Variants in PTCHD4 observed in about 807,000 individuals in gnomAD.
PTCHD4 encodes patched domain-containing protein 4.
In PTCHD4, 33 loss-of-function variants were observed where a neutral mutation model predicts 58.1. That is an observed-to-expected ratio of 0.57 (90% CI 0.43 to 0.76). PTCHD4 has a LOEUF of 0.76. Among genes scored for constraint, PTCHD4 ranks in the 30% least tolerant of loss-of-function variants. The pLI is 0.00. For synonymous variants in PTCHD4, 478 were observed against 409.6 expected (o/e 1.17, Z -2.02); for missense variants, 1,058 against 1,027.1 (o/e 1.03, Z -0.41).
At chr6:47,915,252 A>C (rs1304361915) in intron 4 of PTCHD4, among the ~76,000 whole-genome samples, 1 of 101,366 alleles carries the variant, frequency 9.9e-6, no homozygotes, top group Non-Finnish European at 2.3e-5. Context: ...TATTTATTTA[A>C]GAAAATGACA....
In PTCHD4 at chr6:47,857,846, A is replaced by G. The variant is rs1561922288; in HGVS notation, c.*20457T>C. On this transcript the variant is annotated 3_prime_UTR_variant, in exon 5 of 5. Coordinates refer to ENST00000339488, the MANE Select transcript of PTCHD4 (RefSeq NM_001384253.1). Reference sequence around the variant, plus strand: ...TCTTTTTACAAGCTGGTACTTTAACATCTACCTCCCAAAGTTAATTTCATT... The same window carrying G: ...TCTTTTTACAAGCTGGTACTTTAACGTCTACCTCCCAAAGTTAATTTCATT... Among the ~76,000 whole-genome samples, 1 of 150,726 alleles carries G rather than the reference A, an allele frequency of 6.6e-6. No individual in the cohort carries two copies. The highest frequency in any genetic ancestry group is 2.5e-5 in the African/African-American group (1 of 40,304).
intron 4 of PTCHD4, among the ~76,000 whole-genome samples, chr6:47,999,353 A>C (rs758865700): frequency 7.9e-5 from 12 of 152,216 alleles, no homozygotes; most frequent in Non-Finnish European, 1.5e-4. Context: ...TCACCAAAGT[A>C]GCATGACTAC....
intron 4 of PTCHD4, among the ~76,000 whole-genome samples, chr6:47,936,267 A>G (rs183127436): frequency 2.2e-3 from 337 of 152,328 alleles, no homozygotes; most frequent in Non-Finnish European, 4.0e-3. Context: ...TTGAAGTTCT[A>G]TCCAATATGA....
At position 47,915,293 on chromosome 6, in the gene PTCHD4, A is replaced by T. The variant is rs372617016; in HGVS notation, c.899-35357T>A. On this transcript the variant is annotated intron_variant, in intron 4 of 4. Coordinates refer to ENST00000339488, the MANE Select transcript of PTCHD4 (RefSeq NM_001384253.1). The stretch of plus-strand genomic sequence containing the variant: ...TTTGCCAGCATTTCTTTACATTGCT[A>T]GGTATGTTGATTTATGTATTAGGTT... Among the ~76,000 whole-genome samples, 34 of 152,272 alleles carry T rather than the reference A, an allele frequency of 2.2e-4. 2 individuals carry two copies. The highest frequency in any genetic ancestry group is 1.2e-3 in the East Asian group (6 of 5,172).
intron 4 of PTCHD4, among the ~76,000 whole-genome samples, chr6:47,943,473 G>A (rs1165991796): frequency 1.3e-5 from 2 of 152,094 alleles, no homozygotes; most frequent in Admixed American, 6.6e-5. Context: ...ATTTACACGT[G>A]CTGTGGGGAG....
At chr6:48,062,461 C>T (rs1169837492) in intron 3 of PTCHD4, among the ~76,000 whole-genome samples, 29 of 151,986 alleles carry the variant, frequency 1.9e-4, no homozygotes, top group Admixed American at 1.9e-3. Context: ...ATCCCCACCC[C>T]CCACTTTTTT....
chr6:48,065,574 T>C (rs1295892524), intron 3 of PTCHD4, among the ~76,000 whole-genome samples: 1 of 152,160 alleles, frequency 6.6e-6, no homozygotes, highest in Non-Finnish European at 1.5e-5. Flanking sequence ...GCCATCTCAT[T>C]TTGCTCTCTG....
At chr6:47,970,032 A>G (rs1767445089) in intron 4 of PTCHD4, among the ~76,000 whole-genome samples, 1 of 152,184 alleles carries the variant, frequency 6.6e-6, no homozygotes, top group Admixed American at 6.5e-5. Flanking sequence ...GCACAATCTG[A>G]GCATATGGAT....
intron 3 of PTCHD4, among the ~76,000 whole-genome samples, chr6:48,025,188 A>C (rs1763200298): frequency 6.6e-6 from 1 of 152,216 alleles, no homozygotes; most frequent in Non-Finnish European, 1.5e-5. Context: ...TGTCTGGTAC[A>C]GTATTAAGAT....
intron 4 of PTCHD4, among the ~76,000 whole-genome samples, chr6:47,996,946 T>A (rs866911405): frequency 3.3e-5 from 5 of 152,218 alleles, no homozygotes; most frequent in Admixed American, 6.5e-5. Context: ...AAATCACAAG[T>A]CATTCATTCA....
intron 1 of PTCHD4, among the ~76,000 whole-genome samples, chr6:48,084,017 G>T (rs190379896): frequency 2.6e-4 from 40 of 151,808 alleles, no homozygotes; most frequent in Admixed American, 2.0e-3. Context: ...CTAAGTCTGT[G>T]GTAATTTGCT....
chr6:47,996,047 A>C (rs758173171), intron 4 of PTCHD4, among the ~76,000 whole-genome samples: 2 of 152,226 alleles, frequency 1.3e-5, no homozygotes, highest in African/African-American at 4.8e-5. Context: ...TTCATGTCAC[A>C]GGGGTTTGTT....
intron 4 of PTCHD4, among the ~76,000 whole-genome samples, chr6:47,952,556 C>G (rs896305862): frequency 3.3e-5 from 5 of 152,116 alleles, no homozygotes; most frequent in Non-Finnish European, 7.4e-5. Flanking sequence ...ACATTTCAGT[C>G]AATGACAGAC....
chr6:48,059,555 C>T (rs1764541009), intron 3 of PTCHD4, among the ~76,000 whole-genome samples: 3 of 152,206 alleles, frequency 2.0e-5, no homozygotes, highest in East Asian at 3.9e-4. Flanking sequence ...AGGAGAATCA[C>T]TTGAACCCGG....
intron 4 of PTCHD4, 37 bp downstream of exon 4, chr6:48,008,597 C>T (rs759558291): frequency 7.5e-6 from 12 of 1,589,938 alleles, no homozygotes; most frequent in South Asian, 4.6e-5. Context: ...TGCCCCAAAC[C>T]GGTAAGAATC....
At chr6:48,023,135 G>T (rs1325705) in intron 3 of PTCHD4, among the ~76,000 whole-genome samples, 122,139 of 152,090 alleles carry the variant, frequency 0.8, 49,066 homozygotes, top group Middle Eastern at 0.84. Context: ...CATTTCATTT[G>T]TTGAATGAGA....
intron 4 of PTCHD4, among the ~76,000 whole-genome samples, chr6:47,897,850 T>A (rs1196616175): frequency 6.6e-6 from 1 of 152,138 alleles, no homozygotes; most frequent in East Asian, 1.9e-4. Context: ...CATCTCTAAC[T>A]TAATAGACAT....
At chr6:47,896,004 C>T (rs925692795) in intron 4 of PTCHD4, among the ~76,000 whole-genome samples, 3 of 152,110 alleles carry the variant, frequency 2.0e-5, no homozygotes, top group African/African-American at 7.2e-5. Context: ...ATAGTGGGCA[C>T]TAAACAAATA....
Position 47,878,917 on chromosome 6 carries a change from A to C in PTCHD4, c.1918T>G (p.Phe640Val). 1 of 1,613,516 alleles carries C rather than the reference A, an allele frequency of 6.2e-7. No individual in the cohort carries two copies. Among genetic ancestry groups the C allele is most frequent in the Non-Finnish European group, 8.5e-7 (1 of 1,179,760 alleles). Residue 640 changes from phenylalanine (F) to valine (V), a missense_variant, in exon 5 of 5, where the codon TTC (phenylalanine) becomes GTC (valine). Phe to Val is a conservative substitution (Grantham distance 50). Coordinates refer to ENST00000339488, the MANE Select transcript of PTCHD4 (RefSeq NM_001384253.1). ...SLSKSIRFIV[F>V]NPSFVFMDHY... ...TCCATGAAGACAAAGGAGGGGTTGA[A>C]CACGATGAATCGGATGCTCTTTGAG... is the stretch of plus-strand genomic sequence containing the variant.
Sources: allele counts gnomAD v4.1 joint callset (sites outside exome capture counted in the v4.1 genomes callset), GRCh38; gene constraint gnomAD v4.1.1; transcripts MANE v1.5; gene names NCBI Gene and HGNC (gene_info 2026-07-23, HGNC 2026-07-21).